Variants in IGFN1 observed in about 807,000 individuals in gnomAD.
IGFN1 encodes the protein immunoglobulin like and fibronectin type III domain containing 1.
IGFN1 carries 253 observed loss-of-function variants against 289.5 expected under a neutral mutation model. The ratio of observed to expected loss-of-function variants is 0.87; its 90% CI spans 0.79 to 0.97. The LOEUF (loss-of-function observed/expected upper bound fraction) is 0.97. Ranked by LOEUF, IGFN1 falls within the 50% of genes least tolerant of loss-of-function variation. IGFN1 has a pLI of 0.00. For missense variants in IGFN1, 4,470 were observed against 4,686.1 expected (o/e 0.95, Z 1.35); for synonymous variants, 1,706 against 1,788.5 (o/e 0.95, Z 1.16).
rs1205974768 is a variant in IGFN1, at chr1:201,209,514, G to A, written c.4621G>A (p.Gly1541Ser). 94 of 1,534,182 alleles carry A rather than the reference G, an allele frequency of 6.1e-5. No homozygotes were observed. Among genetic ancestry groups the A allele is most frequent in the Non-Finnish European group, 8.0e-5 (92 of 1,145,166 alleles). The change falls in exon 12 of 24, where the codon GGT (glycine) becomes AGT (serine). Residue 1541 changes from glycine to serine, a missense_variant. Around this residue, in one of 8 missense-constraint regions of IGFN1, gnomAD observed 2,011 missense variants for 1,953.4 expected, o/e 1.03. Coordinates refer to ENST00000335211, the MANE Select transcript of IGFN1 (RefSeq NM_001164586.2). ...RKDLGASEAI[G>S]SGSKAGFTDG... ...GGATTTGGGGGCTTCTGAGGCAATA[G>A]GTTCAGGGAGTAAGGCAGGTTTTAC... is the stretch of plus-strand genomic sequence containing the variant.
rs1667597758 is a variant in IGFN1, at chr1:201,209,358, G to A, written c.4465G>A (p.Gly1489Arg). 3 of 1,496,312 alleles carry A rather than the reference G, an allele frequency of 2.0e-6. No homozygotes were observed. Among genetic ancestry groups the A allele is most frequent in the African/African-American group, 2.8e-5 (2 of 71,372 alleles). 92.7% of individuals were successfully genotyped at this position (1,496,312 alleles called of 1,614,324 possible). A position where few individuals can be genotyped will look rare whatever the true frequency, so the allele number is the denominator to read the frequency against. ...TGGTTTAAGGGGTTCTGGGGAAATG[G>A]GGTTAATTGAGGCAGGCTATAGGAA... is the stretch of plus-strand genomic sequence containing the variant. ...RGGLRGSGEM[G>R]LIEAGYRKDL... The change falls in exon 12 of 24, where the codon GGG becomes AGG. Residue 1489 changes from glycine (G) to arginine (R), a missense_variant. This residue lies in a region of IGFN1 where 2,011 missense variants were observed against 1,953.4 expected (regional missense o/e 1.03). Transcript: ENST00000335211.
chr1:201,206,009 AC>A (rs1667398618), intron 11 of IGFN1, 73 bp from the exon 12 acceptor site: 1 of 1,097,824 alleles, frequency 9.1e-7, no homozygotes, highest in Admixed American at 2.2e-5. Flanking sequence ...GCCGGATTTA[AC>A]AGGAGTTTTG....
chr1:201,208,510 A>T lies in IGFN1; in HGVS notation c.3617A>T (p.Tyr1206Phe). The change falls in exon 12 of 24, where the codon TAT (tyrosine) becomes TTT (phenylalanine). Residue 1206 changes from tyrosine (Y) to phenylalanine (F), a missense_variant. By Grantham distance (22) the Tyr-to-Phe change is conservative. This residue lies in a region of IGFN1 where 2,011 missense variants were observed against 1,953.4 expected (regional missense o/e 1.03). Coordinates refer to ENST00000335211, the MANE Select transcript of IGFN1 (RefSeq NM_001164586.2). Reference protein sequence around the residue: ...NGAASGSQWAYGAGNVLGYED... With the variant: ...NGAASGSQWAFGAGNVLGYED... Reference sequence around the variant, plus strand: ...GCCGCTTCTGGGAGCCAGTGGGCTTATGGGGCTGGCAATGTGCTGGGTTAT... The same window carrying T: ...GCCGCTTCTGGGAGCCAGTGGGCTTTTGGGGCTGGCAATGTGCTGGGTTAT... 6.9e-7 allele frequency: 1 copy of T among 1,451,338 alleles called. No homozygotes were observed. Among genetic ancestry groups the T allele is most frequent in the Non-Finnish European group, 9.0e-7 (1 of 1,110,056 alleles). The allele number at this position is 1,451,338 out of a possible 1,614,324, so 89.9% of individuals were successfully genotyped here.
Position 201,207,543 on chromosome 1 carries a change from G to C in IGFN1, c.2650G>C (p.Asp884His), listed in dbSNP as rs1486621069. ...ACTGACGGAGTCTGGTCAGGGGGTG[G>C]ATGCCAGAAGCCACTGGCTAAGTAG... Reference protein sequence around the residue: ...AGLTESGQGVDARSHWLSRAP... With the variant: ...AGLTESGQGVHARSHWLSRAP... Residue 884 changes from aspartate (D) to histidine (H), a missense_variant, in exon 12 of 24, where the codon GAT becomes CAT. Around this residue, in one of 8 missense-constraint regions of IGFN1, gnomAD observed 2,011 missense variants for 1,953.4 expected, o/e 1.03. Transcript: ENST00000335211. 3.3e-6 allele frequency: 5 copies of C among 1,536,770 alleles called. No individual in the cohort carries two copies. The South Asian group carries it at 3.6e-5, about 11-fold the overall frequency.
intron 20 of IGFN1, among the ~76,000 whole-genome samples, chr1:201,223,473 C>T (rs1408006736): frequency 6.6e-6 from 1 of 152,120 alleles, no homozygotes; most frequent in Non-Finnish European, 1.5e-5. Context: ...CGGGTTCTAG[C>T]GATTCTCCTG....
intron 4 of IGFN1, among the ~76,000 whole-genome samples, chr1:201,196,556 G>A (rs188892737): frequency 1.3e-3 from 193 of 152,282 alleles, no homozygotes; most frequent in African/African-American, 4.2e-3. Context: ...TGTTGGCCAG[G>A]CTAGTCTTGA....
chr1:201,208,418 C>A lies in IGFN1; in HGVS notation c.3525C>A (p.Ala1175=). Reference sequence around the variant, plus strand: ...GGACAAGATGCCCTGGTGCTAAGGCCTCTGGAGCTGGAGCTGGTTATAGGG... The same window carrying A: ...GGACAAGATGCCCTGGTGCTAAGGCATCTGGAGCTGGAGCTGGTTATAGGG... The part of the protein sequence containing the change: ...GDGTRCPGAK[A]SGAGAGYRDD... Residue 1175 remains alanine, a synonymous_variant, in exon 12 of 24, where the codon GCC becomes GCA. Coordinates refer to ENST00000335211, the MANE Select transcript of IGFN1 (RefSeq NM_001164586.2). 6.9e-7 allele frequency: 1 copy of A among 1,447,732 alleles called. No individual in the cohort carries two copies. The allele number at this position is 1,447,732 out of a possible 1,614,324, so 89.7% of individuals were successfully genotyped here. A position where few individuals can be genotyped will look rare whatever the true frequency, so the allele number is the denominator to read the frequency against.
chr1:201,213,250 G>A lies in IGFN1; in HGVS notation c.8357G>A (p.Gly2786Asp), dbSNP rs762480264. ...GEQGSLEAEN[G>D]EVQGPGALKE... Reference sequence around the variant, plus strand: ...CAGGGGTCCCTGGAGGCTGAGAATGGTGAGGTCCAGGGTCCTGGGGCCCTA... The same window carrying A: ...CAGGGGTCCCTGGAGGCTGAGAATGATGAGGTCCAGGGTCCTGGGGCCCTA... The change falls in exon 12 of 24, where the codon GGT becomes GAT. Residue 2786 changes from glycine (G) to aspartate (D), a missense_variant. Gly to Asp is a moderately conservative substitution (Grantham distance 94, BLOSUM62 -1). Transcript: ENST00000335211. 6.4e-7 allele frequency: 1 copy of A among 1,552,128 alleles called. No homozygotes were observed. Among genetic ancestry groups the A allele is most frequent in the Non-Finnish European group, 8.7e-7 (1 of 1,147,188 alleles).
At chr1:201,192,680 T>G (rs537162881) in intron 1 of IGFN1, among the ~76,000 whole-genome samples, 10 of 152,222 alleles carry the variant, frequency 6.6e-5, no homozygotes, top group African/African-American at 2.2e-4. Context: ...GGATTCTAGA[T>G]TGGTGGAGCG....
intron 4 of IGFN1, among the ~76,000 whole-genome samples, chr1:201,196,996 T>C (rs12045948): frequency 0.4 from 60,773 of 152,022 alleles, 12,386 homozygotes; most frequent in East Asian, 0.47. Flanking sequence ...ACACTCTTTC[T>C]ACTTCGCTAC....
rs1373716440 is a variant in IGFN1 at position 201,225,846 on chromosome 1, C to T, written c.10509C>T (p.Pro3503=). 1 of 1,612,778 alleles carries T rather than the reference C, an allele frequency of 6.2e-7. No individual in the cohort carries two copies. Among genetic ancestry groups the T allele is most frequent in the East Asian group, 2.2e-5 (1 of 44,852 alleles). ...AAGCATGCCCGCAGGCCCCTGGGCC[C>T]ATCCACCTGCAGGAGAACGTGCCTG... ...RVAACPQAPG[P]IHLQENVPGT... is the part of the protein sequence containing the mutation. The change falls in exon 22 of 24, where the codon CCC becomes CCT. Residue 3503 remains proline (P), a synonymous_variant. Coordinates refer to ENST00000335211, the MANE Select transcript of IGFN1 (RefSeq NM_001164586.2).
At chr1:201,214,879 T>C in intron 13 of IGFN1, 134 bp from the exon 14 acceptor site, 2 of 847,380 alleles carry the variant, frequency 2.4e-6, no homozygotes, top group South Asian at 1.8e-5. Context: ...ACAGAGAGCA[T>C]TGGCACACAA....
At chr1:201,196,840 C>A (rs1330048976) in intron 4 of IGFN1, among the ~76,000 whole-genome samples, 2 of 152,150 alleles carry the variant, frequency 1.3e-5, no homozygotes. Flanking sequence ...TCTAATTATT[C>A]ACCACTTTTT....
rs951990852 is a variant in IGFN1, at chr1:201,228,563, T to C, written c.*164T>C. 4.1e-6 allele frequency: 3 copies of C among 728,816 alleles called. No homozygotes were observed. In the South Asian group the frequency reaches 4.9e-5, roughly 12 times the overall value. The allele number at this position is 728,816 out of a possible 1,614,324, so 45.1% of individuals were successfully genotyped here. A position where few individuals can be genotyped will look rare whatever the true frequency, so the allele number is the denominator to read the frequency against. ...TTTTGGCCAGGAGGACGTGAAGTCC[T>C]TGGGGAAGAAAAACAAGGGAGGAGG... On this transcript the variant is annotated 3_prime_UTR_variant, in exon 24 of 24. Transcript: ENST00000335211.
intron 23 of IGFN1, among the ~76,000 whole-genome samples, chr1:201,227,632 A>G (rs1032874691): frequency 2.6e-5 from 4 of 151,686 alleles, no homozygotes; most frequent in African/African-American, 9.7e-5. Context: ...GTTTCATCAT[A>G]TTGGCCAGAC....
Position 201,211,981 on chromosome 1 carries a change from G to A in IGFN1, c.7088G>A (p.Gly2363Glu). Residue 2363 changes from glycine to glutamate, a missense_variant, in exon 12 of 24, where the codon GGG becomes GAG. Physicochemically the swap from Gly to Glu is moderately conservative, Grantham distance 98 (BLOSUM62 -2). Coordinates refer to ENST00000335211, the MANE Select transcript of IGFN1 (RefSeq NM_001164586.2). ...EGKMGYGDGSGRLGVPGSLAG... is the reference protein window; with the variant it reads ...EGKMGYGDGSERLGVPGSLAG... ...AAGATGGGTTATGGAGATGGTTCAG[G>A]GAGGCTTGGAGTACCAGGCTCACTG... The A allele has an allele frequency of 6.5e-7, 1 of 1,535,440 alleles. No individual in the cohort carries two copies. Among genetic ancestry groups the A allele is most frequent in the Non-Finnish European group, 8.7e-7 (1 of 1,146,188 alleles).
chr1:201,193,354 G>A, intron 2 of IGFN1, 54 bp downstream of exon 2: 1 of 1,366,690 alleles, frequency 7.3e-7, no homozygotes, highest in Non-Finnish European at 1.0e-6. Context: ...TCCTTACCAG[G>A]ACAGAGAGGA....
chr1:201,224,860 G>A lies in IGFN1; in HGVS notation c.10472G>A (p.Arg3491His), dbSNP rs144286794. The change falls in exon 21 of 24, where the codon CGT becomes CAT. Residue 3491 changes from arginine (R) to histidine (H), a missense_variant. Arg to His is a conservative substitution (Grantham distance 29). Coordinates refer to ENST00000335211, the MANE Select transcript of IGFN1 (RefSeq NM_001164586.2). ...GGGAAGGAGGTTGCCCACAGCTTCC[G>A]TATCAGGGTGGCAGGTGAGGCAGGC... Reference protein sequence around the residue: ...LQGKEVAHSFRIRVAACPQAP... With the variant: ...LQGKEVAHSFHIRVAACPQAP... 49 of 1,613,002 alleles carry A rather than the reference G, an allele frequency of 3.0e-5. No individual in the cohort carries two copies. The highest frequency in any genetic ancestry group is 6.7e-5 in the Admixed American group (4 of 59,916).
rs116535303 is a variant in IGFN1, at chr1:201,205,751, C to T, written c.1190-332C>T. 3.3e-3 allele frequency among the ~76,000 whole-genome samples: 500 copies of T among 152,306 alleles called. 6 individuals carry two copies. The highest frequency in any genetic ancestry group is 0.011 in the African/African-American group (472 of 41,570). On this transcript the variant is annotated intron_variant, in intron 11 of 23. Transcript: ENST00000335211. ...AAGTAAGGCAGGTGGTTGAGCAAGT[C>T]GATATTTTAAAAACCATGCACCTGC...
Sources: gnomAD v4.1 joint callset for allele counts (sites outside exome capture counted in the v4.1 genomes callset) on GRCh38, gnomAD v4.1.1 for gene constraint, gnomAD v4.1.1 regional missense constraint, MANE v1.5 for transcripts, NCBI Gene and HGNC (gene_info 2026-07-23, HGNC 2026-07-21) for gene names.